GSE1: variants seen among roughly 807,000 people sequenced by gnomAD.
The protein encoded by GSE1 is genetic suppressor element 1.
In GSE1, 32 loss-of-function variants were observed where a neutral mutation model predicts 112.6. That is an observed-to-expected ratio of 0.28 (90% CI 0.21 to 0.38). The LOEUF is 0.38. Ranked by LOEUF, GSE1 falls within the 10% of genes least tolerant of loss-of-function variation. The pLI is 1.00. For missense variants in GSE1, 2,348 were observed against 1,699.2 expected (o/e 1.38, Z -6.71); for synonymous variants, 1,115 against 735.6 (o/e 1.52, Z -8.35).
intron 1 of GSE1, among the ~76,000 whole-genome samples, chr16:85,560,642 C>T (rs931890647): frequency 4.6e-5 from 7 of 152,094 alleles, no homozygotes. Context: ...CTCCACCTTC[C>T]TGCAAATGGG....
intron 14 of GSE1, among the ~76,000 whole-genome samples, chr16:85,668,918 C>T (rs935309641): frequency 2.6e-5 from 4 of 152,258 alleles, no homozygotes; most frequent in African/African-American, 9.6e-5. Flanking sequence ...CCTAAAAAGA[C>T]AGGCTCCTGG....
At chr16:85,356,485 G>A (rs943288076) in intron 1 of GSE1, among the ~76,000 whole-genome samples, 2 of 152,218 alleles carry the variant, frequency 1.3e-5, no homozygotes, top group Non-Finnish European at 2.9e-5. Context: ...CCTTGGTGCA[G>A]GGACCTAGAA....
At chr16:85,354,432 G>A (rs1055761525) in intron 1 of GSE1, among the ~76,000 whole-genome samples, 3 of 152,258 alleles carry the variant, frequency 2.0e-5, no homozygotes, top group African/African-American at 4.8e-5. Context: ...AGTAAAAAGG[G>A]TTGTTTTCTC....
chr16:85,324,259 C>T (rs564031390), intron 1 of GSE1, among the ~76,000 whole-genome samples: 78 of 152,294 alleles, frequency 5.1e-4, no homozygotes, highest in African/African-American at 1.8e-3. Context: ...CCTGTAATCC[C>T]ATCACTTTGA....
chr16:85,238,075 C>G (rs1260661490), intron 1 of GSE1, among the ~76,000 whole-genome samples: 1 of 152,168 alleles, frequency 6.6e-6, no homozygotes, highest in Non-Finnish European at 1.5e-5. Flanking sequence ...CAGTGAGGAG[C>G]TGAGGCTGGA....
chr16:85,260,368 G>A (rs1195871730), intron 1 of GSE1, among the ~76,000 whole-genome samples: 1 of 127,992 alleles, frequency 7.8e-6, no homozygotes, highest in Non-Finnish European at 1.5e-5. Context: ...CTGTTGCCCA[G>A]GCTGGAGTGC....
In GSE1 at chr16:85,666,948, T is replaced by C. The variant is rs374200154; in HGVS notation, c.3130+601T>C. ...GCCAAGCACCAGGTACTACATTGAA[T>C]CCATGCAAATCAAGTCAAGTGTAGG... On this transcript the variant is annotated intron_variant, in intron 13 of 15. Transcript: ENST00000253458. Among the ~76,000 whole-genome samples, 53 of 152,344 alleles carry C rather than the reference T, an allele frequency of 3.5e-4. No homozygotes were observed. In the East Asian group the frequency reaches 7.3e-3, roughly 21 times the overall value.
At chr16:85,350,628 G>A (rs1021799392) in intron 1 of GSE1, among the ~76,000 whole-genome samples, 5 of 152,136 alleles carry the variant, frequency 3.3e-5, no homozygotes, top group African/African-American at 7.2e-5. Context: ...TGAGGTCACC[G>A]TGATGCTTTG....
intron 12 of GSE1, 104 bp downstream of exon 12, chr16:85,665,232 C>T: frequency 7.6e-6 from 5 of 660,952 alleles, no homozygotes; most frequent in South Asian, 6.9e-5. Context: ...AATGTGGCCT[C>T]CTGCAGGCTG....
intron 2 of GSE1, among the ~76,000 whole-genome samples, chr16:85,466,976 T>A (rs1231362878): frequency 6.6e-6 from 1 of 152,210 alleles, no homozygotes; most frequent in Non-Finnish European, 1.5e-5. Context: ...AAGAGAATCA[T>A]CTGAACCCCA....
intron 2 of GSE1, among the ~76,000 whole-genome samples, chr16:85,511,496 C>G (rs907394016): frequency 6.7e-6 from 1 of 150,338 alleles, no homozygotes; most frequent in South Asian, 2.1e-4. Context: ...CCATTGCACT[C>G]CAGCCTGGGC....
chr16:85,237,195 C>T (rs1296050937), intron 1 of GSE1, among the ~76,000 whole-genome samples: 1 of 152,056 alleles, frequency 6.6e-6, no homozygotes, highest in Non-Finnish European at 1.5e-5. Flanking sequence ...TGGTGGCGGT[C>T]GCCTGTAATC....
intron 1 of GSE1, among the ~76,000 whole-genome samples, chr16:85,327,953 C>T (rs1025304255): frequency 6.6e-6 from 1 of 152,188 alleles, no homozygotes; most frequent in African/African-American, 2.4e-5. Context: ...CTGGTGCCCC[C>T]CACCCCCAGA....
intron 2 of GSE1, among the ~76,000 whole-genome samples, chr16:85,408,003 C>G (rs1424604002): frequency 1.8e-5 from 1 of 56,494 alleles, no homozygotes. Context: ...TCAGGGCCCC[C>G]TGGATAATCC....
At chr16:85,590,246 G>T (rs963860785) in intron 1 of GSE1, among the ~76,000 whole-genome samples, 8 of 152,050 alleles carry the variant, frequency 5.3e-5, no homozygotes, top group African/African-American at 1.9e-4. Context: ...GTGAACGTGT[G>T]GGCCCGCGTG....
chr16:85,542,831 C>A (rs1436366787), intron 2 of GSE1, among the ~76,000 whole-genome samples: 1 of 152,198 alleles, frequency 6.6e-6, no homozygotes, highest in Non-Finnish European at 1.5e-5. Context: ...TGGGGCTTCT[C>A]CCTCCCTGCA....
At chr16:85,443,937 G>C (rs543247854) in intron 2 of GSE1, among the ~76,000 whole-genome samples, 1 of 151,886 alleles carries the variant, frequency 6.6e-6, no homozygotes, top group South Asian at 2.1e-4. Flanking sequence ...CTGTGATAAA[G>C]GGGGCCCTGG....
upstream of GSE1, among the ~76,000 whole-genome samples, chr16:85,612,796 C>CAAA (rs2048078718): frequency 6.6e-6 from 1 of 152,364 alleles, no homozygotes; most frequent in East Asian, 1.9e-4. Context: ...AAAAGGCCTC[C>CAAA]AGGACACGGA....
At chr16:85,279,187 A>AG (rs777919318) in intron 1 of GSE1, among the ~76,000 whole-genome samples, 29 of 152,180 alleles carry the variant, frequency 1.9e-4, no homozygotes, top group African/African-American at 6.5e-4. Flanking sequence ...AATAGTGGGG[A>AG]GGGGGGAGGA....
Sources: allele counts gnomAD v4.1 joint callset (sites outside exome capture counted in the v4.1 genomes callset), GRCh38; gene constraint gnomAD v4.1.1; transcripts MANE v1.5; gene names NCBI Gene and HGNC (gene_info 2026-07-23, HGNC 2026-07-21).